DOCK4: variants seen among roughly 807,000 people sequenced by gnomAD.
DOCK4 encodes the protein dedicator of cytokinesis 4.
A neutral mutation model predicts 268.1 loss-of-function variants in DOCK4; 97 were observed. That is an observed-to-expected ratio of 0.36 (90% CI 0.31 to 0.43). DOCK4 has a LOEUF of 0.43. Ranked by LOEUF, DOCK4 falls within the 20% of genes least tolerant of loss-of-function variation. The pLI is 1.00. For synonymous variants in DOCK4, 954 were observed against 887.2 expected (o/e 1.08, Z -1.34); for missense variants, 2,145 against 2,455.7 (o/e 0.87, Z 2.67).
intron 1 of DOCK4, among the ~76,000 whole-genome samples, chr7:112,156,375 G>A (rs1040029625): frequency 3.9e-5 from 6 of 152,104 alleles, no homozygotes; most frequent in South Asian, 4.1e-4. Flanking sequence ...TAGAAGTAAT[G>A]AAAAGAAAAA....
In DOCK4 at chr7:111,892,460, C is replaced by T. The variant is rs535945215; in HGVS notation, c.1587+3152G>A. Among the ~76,000 whole-genome samples the T allele has an allele frequency of 5.0e-3, 766 of 152,294 alleles. 8 individuals are homozygous for T. Among genetic ancestry groups the T allele is most frequent in the Non-Finnish European group, 7.1e-3 (484 of 68,028 alleles). On this transcript the variant is annotated intron_variant, in intron 16 of 52. Transcript: ENST00000428084. ...CAGGTGATCCACCAGCCTTGGCCTC[C>T]CAAAGTGCTGGGATTACAGGCATGA... is the stretch of plus-strand genomic sequence containing the variant.
chr7:111,800,692 G>T (rs957077280), intron 30 of DOCK4, among the ~76,000 whole-genome samples: 13 of 151,972 alleles, frequency 8.6e-5, no homozygotes, highest in African/African-American at 4.8e-5. Context: ...TCGCCTAAAG[G>T]TAACCAAACT....
intron 1 of DOCK4, among the ~76,000 whole-genome samples, chr7:112,179,204 T>C (rs1586986086): frequency 1.3e-5 from 2 of 152,054 alleles, no homozygotes; most frequent in Admixed American, 6.6e-5. Context: ...CTGGGCAACA[T>C]AGGGAGACCC....
At chr7:112,122,730 C>T (rs1812854345) in intron 1 of DOCK4, among the ~76,000 whole-genome samples, 1 of 152,150 alleles carries the variant, frequency 6.6e-6, no homozygotes, top group Non-Finnish European at 1.5e-5. Context: ...GTGCTATATA[C>T]TTTATCTTCT....
chr7:112,103,690 T>C (rs1291841629), intron 1 of DOCK4, among the ~76,000 whole-genome samples: 1 of 152,150 alleles, frequency 6.6e-6, no homozygotes, highest in Admixed American at 6.5e-5. Flanking sequence ...AAGACCAGCC[T>C]GGCAAACAGG....
intron 13 of DOCK4, among the ~76,000 whole-genome samples, chr7:111,906,585 A>G (rs886854281): frequency 1.3e-5 from 2 of 152,100 alleles, no homozygotes; most frequent in African/African-American, 4.8e-5. Context: ...CTCCCCAAAG[A>G]TGCCTAGGTT....
intron 1 of DOCK4, among the ~76,000 whole-genome samples, chr7:112,013,034 C>G (rs189214166): frequency 7.2e-5 from 11 of 152,220 alleles, no homozygotes; most frequent in African/African-American, 2.2e-4. Flanking sequence ...AGACAGAGAC[C>G]CAGCCTCCAC....
chr7:112,078,991 G>A (rs1808343594), intron 1 of DOCK4, among the ~76,000 whole-genome samples: 1 of 152,070 alleles, frequency 6.6e-6, no homozygotes, highest in East Asian at 1.9e-4. Context: ...GCCGGGTATG[G>A]TGGCATGCGC....
In DOCK4 at chr7:111,736,970, A is replaced by T. The variant is rs757910835; in HGVS notation, c.5252T>A (p.Ile1751Asn). Residue 1751 changes from isoleucine to asparagine, a missense_variant, in exon 50 of 53, where the codon ATT becomes AAT. Transcript: ENST00000428084. ...EPSQRMLFNH[I>N]GDGALPRSDP... ...ACTGCGTGGCAAGGCCCCGTCTCCA[A>T]TATGATTAAACAGCATCCTCTGCAA... is the stretch of plus-strand genomic sequence containing the variant. 8.1e-6 allele frequency: 13 copies of T among 1,604,548 alleles called. No individual in the cohort carries two copies. The highest frequency in any genetic ancestry group is 1.3e-5 in the African/African-American group (1 of 74,978).
chr7:111,988,468 C>A (rs1260856959), intron 6 of DOCK4, among the ~76,000 whole-genome samples: 1 of 152,124 alleles, frequency 6.6e-6, no homozygotes, highest in Non-Finnish European at 1.5e-5. Flanking sequence ...AAATCTCGGT[C>A]AAGAACAGCT....
chr7:111,891,730 C>T (rs1428069026), intron 16 of DOCK4, among the ~76,000 whole-genome samples: 1 of 152,212 alleles, frequency 6.6e-6, no homozygotes, highest in African/African-American at 2.4e-5. Context: ...ACTGTTTTCC[C>T]TTAACCTTGC....
chr7:112,189,306 G>A (rs1374108987), intron 1 of DOCK4, among the ~76,000 whole-genome samples: 1 of 151,946 alleles, frequency 6.6e-6, no homozygotes, highest in Non-Finnish European at 1.5e-5. Flanking sequence ...AAACTGTGGT[G>A]GGAAATTTTT....
chr7:112,042,838 A>C (rs936726860), intron 1 of DOCK4, among the ~76,000 whole-genome samples: 1 of 152,110 alleles, frequency 6.6e-6, no homozygotes, highest in Non-Finnish European at 1.5e-5. Flanking sequence ...GATCATGAAG[A>C]GTTATTTATG....
intron 5 of DOCK4, among the ~76,000 whole-genome samples, chr7:111,990,721 T>C (rs1799452850): frequency 6.6e-6 from 1 of 152,134 alleles, no homozygotes; most frequent in South Asian, 2.1e-4. Context: ...CACTCTTAAC[T>C]CATGTTATAC....
intron 1 of DOCK4, among the ~76,000 whole-genome samples, chr7:112,081,152 A>G (rs1306265418): frequency 6.6e-6 from 1 of 152,102 alleles, no homozygotes; most frequent in Admixed American, 6.6e-5. Flanking sequence ...CCCATGAAAA[A>G]AGAATCGAAA....
At chr7:111,826,487 A>C (rs1007887812) in intron 26 of DOCK4, among the ~76,000 whole-genome samples, 2 of 152,162 alleles carry the variant, frequency 1.3e-5, no homozygotes, top group East Asian at 3.8e-4. Flanking sequence ...GATATTAAGA[A>C]AGACACAAGA....
chr7:111,951,471 A>G (rs1360124758), intron 8 of DOCK4, among the ~76,000 whole-genome samples: 2 of 151,898 alleles, frequency 1.3e-5, no homozygotes, highest in Non-Finnish European at 2.9e-5. Flanking sequence ...TCACCTTTTA[A>G]CCAAAATGCA....
intron 1 of DOCK4, among the ~76,000 whole-genome samples, chr7:112,048,771 C>A (rs968143474): frequency 1.8e-4 from 28 of 151,404 alleles, no homozygotes; most frequent in African/African-American, 5.8e-4. Flanking sequence ...GTAGAAATAT[C>A]TTTCTTTTTT....
At chr7:111,896,512 A>G (rs1020772141) in intron 15 of DOCK4, among the ~76,000 whole-genome samples, 4 of 147,794 alleles carry the variant, frequency 2.7e-5, no homozygotes, top group African/African-American at 7.5e-5. Flanking sequence ...TTTTTCCTCC[A>G]AAAATGGAGA....
Sources: gnomAD v4.1 joint callset for allele counts (sites outside exome capture counted in the v4.1 genomes callset) on GRCh38, gnomAD v4.1.1 for gene constraint, MANE v1.5 for transcripts, NCBI Gene and HGNC (gene_info 2026-07-23, HGNC 2026-07-21) for gene names.